BICDL1: variants seen among roughly 807,000 people sequenced by gnomAD.
The protein encoded by BICDL1 is BICD family like cargo adaptor 1.
Under a neutral mutation model 76.8 loss-of-function variants are expected in BICDL1, and 20 were observed. The ratio of observed to expected loss-of-function variants is 0.26; its 90% CI spans 0.18 to 0.38. The LOEUF is 0.38. BICDL1 is among the 10% of genes least tolerant of loss of function. The pLI is 1.00. For synonymous variants in BICDL1, 383 were observed against 337.1 expected (o/e 1.14, Z -1.49); for missense variants, 700 against 798.6 (o/e 0.88, Z 1.49).
intron 2 of BICDL1, among the ~76,000 whole-genome samples, chr12:120,051,328 G>A (rs1952855844): frequency 6.6e-6 from 1 of 152,206 alleles, no homozygotes; most frequent in African/African-American, 2.4e-5. Context: ...TTACAGGCGT[G>A]AGCCACTGAG....
chr12:120,006,735 A>G (rs1423718803), intron 2 of BICDL1, among the ~76,000 whole-genome samples: 1 of 152,170 alleles, frequency 6.6e-6, no homozygotes, highest in East Asian at 1.9e-4. Context: ...TAGCTTGGAA[A>G]GGGTTAGGAG....
intron 1 of BICDL1, among the ~76,000 whole-genome samples, chr12:119,991,919 T>C (rs1951532539): frequency 6.6e-6 from 1 of 152,238 alleles, no homozygotes; most frequent in African/African-American, 2.4e-5. Flanking sequence ...CATTTTGTTA[T>C]TTACTTAATG....
chr12:120,008,917 G>A (rs1169172774), intron 2 of BICDL1, among the ~76,000 whole-genome samples: 1 of 149,798 alleles, frequency 6.7e-6, no homozygotes, highest in Non-Finnish European at 1.5e-5. Flanking sequence ...CATTAGGGTG[G>A]TAATTGCTTA....
At chr12:120,075,835 C>T (rs1566262519) in intron 7 of BICDL1, among the ~76,000 whole-genome samples, 1 of 152,168 alleles carries the variant, frequency 6.6e-6, no homozygotes, top group Non-Finnish European at 1.5e-5. Flanking sequence ...TGTGAGTGAC[C>T]AGATAACAAG....
chr12:120,001,724 A>G (rs909029145), intron 2 of BICDL1, among the ~76,000 whole-genome samples: 1 of 152,132 alleles, frequency 6.6e-6, no homozygotes. Flanking sequence ...TTGAGATATA[A>G]TTCACATACC....
chr12:119,990,015 C>T lies in BICDL1; in HGVS notation c.147C>T (p.Ser49=), dbSNP rs1238715603. The change falls in exon 1 of 10, where the codon TCC becomes TCT. Residue 49 remains serine (S), a synonymous_variant. Transcript: ENST00000548673. ...CCGCCCTCATCTTCCCCGGGGGCTC[C>T]GGGGAGCTAGAACTGGCGTTAGAGG... is the stretch of plus-strand genomic sequence containing the variant. ...AAAALIFPGG[S]GELELALEEE... is the part of the protein sequence containing the mutation. 9 of 1,495,678 alleles carry T rather than the reference C, an allele frequency of 6.0e-6. No homozygotes were observed. The highest frequency in any genetic ancestry group is 2.6e-5 in the Admixed American group (1 of 38,488). The allele number at this position is 1,495,678 out of a possible 1,614,324, so 92.7% of individuals were successfully genotyped here.
chr12:120,021,880 A>G (rs11064998), intron 2 of BICDL1, among the ~76,000 whole-genome samples: 48,157 of 150,694 alleles, frequency 0.32, 9,686 homozygotes, highest in African/African-American at 0.56. Flanking sequence ...ACTCCAGCCT[A>G]TGCAACAGAG....
rs758336667 is a variant in BICDL1, at chr12:120,064,759, G to A, written c.789G>A (p.Arg263=). 27 of 1,612,588 alleles carry A rather than the reference G, an allele frequency of 1.7e-5. No homozygotes were observed. The highest frequency in any genetic ancestry group is 1.0e-5 in the Non-Finnish European group (12 of 1,179,406). ...AEIKMLSDRK[R]ELEHRLSATL... is the part of the protein sequence containing the mutation. ...TCAAGATGCTGTCAGATCGGAAACG[G>A]GAGCTGGAGCATCGTCTCAGCGCTA... Residue 263 remains arginine (R), a synonymous_variant, in exon 4 of 10, where the codon CGG becomes CGA. Transcript: ENST00000548673.
chr12:120,094,480 A>G lies in BICDL1; in HGVS notation c.*1319A>G. 1 of 301,720 alleles carries G rather than the reference A, an allele frequency of 3.3e-6. No homozygotes were observed. The highest frequency in any genetic ancestry group is 2.2e-5 in the African/African-American group (1 of 45,844). The allele number at this position is 301,720 out of a possible 1,614,324, so 18.7% of individuals were successfully genotyped here. On this transcript the variant is annotated 3_prime_UTR_variant, in exon 10 of 10. Coordinates refer to ENST00000548673, the MANE Select transcript of BICDL1 (RefSeq NM_001367886.1). ...TGAAAATAGTCTGAATAAGAATAAA[A>G]TGAATTTCTACAGAGCTTCCTGCCT...
chr12:120,006,812 C>CA (rs772545376), intron 2 of BICDL1, among the ~76,000 whole-genome samples: 15 of 152,036 alleles, frequency 9.9e-5, no homozygotes, highest in Non-Finnish European at 2.1e-4. Flanking sequence ...GGGTTTTAGT[C>CA]AGTGTGCTGG....
intron 2 of BICDL1, among the ~76,000 whole-genome samples, chr12:120,056,712 G>A (rs1301008539): frequency 2.0e-5 from 3 of 150,920 alleles, no homozygotes; most frequent in African/African-American, 4.9e-5. Flanking sequence ...GCGAGACTCC[G>A]TCTCAAAAAA....
chr12:120,009,229 G>A (rs1594108322), intron 2 of BICDL1, among the ~76,000 whole-genome samples: 2 of 151,770 alleles, frequency 1.3e-5, no homozygotes, highest in Admixed American at 6.6e-5. Context: ...TTCATGATCC[G>A]CCCGCCTCGG....
At chr12:120,087,290 G>T (rs1321534543) in intron 8 of BICDL1, among the ~76,000 whole-genome samples, 2 of 152,256 alleles carry the variant, frequency 1.3e-5, no homozygotes, top group East Asian at 3.8e-4. Context: ...GGGCGGGGCT[G>T]ACGCGGTGGC....
chr12:120,092,273 G>A, intron 9 of BICDL1: 2 of 985,464 alleles, frequency 2.0e-6, no homozygotes, highest in Non-Finnish European at 2.4e-6. Context: ...GGGCTGTGGG[G>A]AGGAAGGCAT....
intron 2 of BICDL1, among the ~76,000 whole-genome samples, chr12:120,054,851 G>A (rs1382524399): frequency 6.6e-6 from 1 of 152,196 alleles, no homozygotes; most frequent in Non-Finnish European, 1.5e-5. Flanking sequence ...CAGCACTCCA[G>A]TCTTGGCAGC....
rs184894404 is a variant in BICDL1 at position 119,992,046 on chromosome 12, A to G, written c.429+1749A>G. Among the ~76,000 whole-genome samples, 89 of 152,382 alleles carry G rather than the reference A, an allele frequency of 5.8e-4. 1 individual carries two copies. Among genetic ancestry groups the G allele is most frequent in the Non-Finnish European group, 4.4e-4 (30 of 68,036 alleles). On this transcript the variant is annotated intron_variant, in intron 1 of 9. Coordinates refer to ENST00000548673, the MANE Select transcript of BICDL1 (RefSeq NM_001367886.1). ...TTTAAGTTCTGGAGATAGTCGCACAACAATGTGAATATAACTAACATATAC... is the reference window on the plus strand; with the variant it reads ...TTTAAGTTCTGGAGATAGTCGCACAGCAATGTGAATATAACTAACATATAC...
At chr12:120,026,882 G>A (rs1213757024) in intron 2 of BICDL1, among the ~76,000 whole-genome samples, 3 of 152,130 alleles carry the variant, frequency 2.0e-5, no homozygotes, top group South Asian at 4.1e-4. Context: ...TAGGAAGTTG[G>A]TTCACCCTAC....
At chr12:120,059,238 G>C (rs1953050322) in intron 2 of BICDL1, among the ~76,000 whole-genome samples, 1 of 152,010 alleles carries the variant, frequency 6.6e-6, no homozygotes, top group Non-Finnish European at 1.5e-5. Context: ...GGTACTATAG[G>C]CACGCACCAC....
chr12:120,034,354 T>C (rs1161739850), intron 2 of BICDL1, among the ~76,000 whole-genome samples: 1 of 152,192 alleles, frequency 6.6e-6, no homozygotes, highest in Non-Finnish European at 1.5e-5. Context: ...ATAACTAAAA[T>C]TATGACACTA....
Sources: gnomAD v4.1 joint callset for allele counts (sites outside exome capture counted in the v4.1 genomes callset) on GRCh38, gnomAD v4.1.1 for gene constraint, MANE v1.5 for transcripts, NCBI Gene and HGNC (gene_info 2026-07-23, HGNC 2026-07-21) for gene names.